The following PTPN22 variants were observed in gnomAD, a reference collection of about 807,000 sequenced individuals.
PTPN22 encodes the protein tyrosine-protein phosphatase non-receptor type 22.
In PTPN22, 85 loss-of-function variants were observed where a neutral mutation model predicts 103.3. The ratio of observed to expected loss-of-function variants is 0.82; its 90% CI spans 0.69 to 0.99. The LOEUF (loss-of-function observed/expected upper bound fraction) is 0.99. PTPN22 is among the 50% of genes least tolerant of loss of function. PTPN22 has a pLI of 0.00. For missense variants in PTPN22, 865 were observed against 936.9 expected, an observed-to-expected ratio of 0.92 and a Z score of 1.00; for synonymous variants, 323 against 310.2, an observed-to-expected ratio of 1.04 and a Z score of -0.43.
chr1:113,824,200 C>G (rs1030735367), intron 19 of PTPN22, among the ~76,000 whole-genome samples: 1 of 151,714 alleles, frequency 6.6e-6, no homozygotes, highest in African/African-American at 2.4e-5. Flanking sequence ...ATCCCGAGTT[C>G]AAGCAATCCT....
intron 16 of PTPN22, among the ~76,000 whole-genome samples, chr1:113,830,788 A>G (rs1662479269): frequency 6.6e-6 from 1 of 152,174 alleles, no homozygotes; most frequent in African/African-American, 2.4e-5. Context: ...ATGGTATTCT[A>G]CTGACATAAG....
At chr1:113,814,096 T>C (rs1055582498) in exon 21 of PTPN22, 3 of 152,324 alleles carry the variant, frequency 2.0e-5, no homozygotes, top group Admixed American at 1.3e-4. Flanking sequence ...GATTTTCTTA[T>C]GGCAGATCCA....
intron 17 of PTPN22, 107 bp from the exon 18 acceptor site, chr1:113,829,814 T>G: frequency 8.4e-7 from 1 of 1,188,322 alleles, no homozygotes; most frequent in Non-Finnish European, 1.2e-6. Context: ...TTATTTTGAC[T>G]ATATATTAGG....
chr1:113,819,668 A>G lies in PTPN22; in HGVS notation c.2282-14T>C. 6.4e-7 allele frequency: 1 copy of G among 1,551,120 alleles called. No individual in the cohort carries two copies. ...AATTACAGATACCTAGAATCAAAAG[A>G]AAAAAATATAAGGGAAAGACTAAAG... On this transcript the variant is annotated splice_polypyrimidine_tract_variant and intron_variant, in intron 19 of 20. Transcript: ENST00000359785.
At chr1:113,813,950 A>G (rs1243205145) in exon 21 of PTPN22, 2 of 152,328 alleles carry the variant, frequency 1.3e-5, no homozygotes, top group African/African-American at 4.8e-5. Flanking sequence ...TTTAAACAAT[A>G]CTACATGTTT....
At chr1:113,825,412 C>T (rs866714989) in intron 18 of PTPN22, among the ~76,000 whole-genome samples, 5 of 152,194 alleles carry the variant, frequency 3.3e-5, no homozygotes, top group South Asian at 2.1e-4. Flanking sequence ...ATAATAGTAT[C>T]AGAGGCTGAG....
intron 11 of PTPN22, among the ~76,000 whole-genome samples, chr1:113,844,585 G>C (rs1663887382): frequency 6.6e-6 from 1 of 152,152 alleles, no homozygotes; most frequent in Admixed American, 6.5e-5. Context: ...GACCTATACT[G>C]TTTTCTAATG....
intron 11 of PTPN22, among the ~76,000 whole-genome samples, chr1:113,840,241 G>GA (rs1168363730): frequency 6.6e-6 from 1 of 150,650 alleles, no homozygotes. Context: ...AAAAAAATTG[G>GA]AAAAAAAGGA....
At chr1:113,837,862 G>A in exon 13 of PTPN22, 1 of 1,614,104 alleles carries the variant, frequency 6.2e-7, no homozygotes, top group South Asian at 1.1e-5. Flanking sequence ...CTTTACATTA[G>A]AGGCATTACG....
At chr1:113,829,595 A>T (rs750744679) in exon 18 of PTPN22, 10 of 1,570,640 alleles carry the variant, frequency 6.4e-6, no homozygotes, top group Non-Finnish European at 7.8e-6. Flanking sequence ...TCTTTACCTT[A>T]CTCCTTGTGA....
exon 21 of PTPN22, chr1:113,813,972 A>G (rs1571319863): frequency 6.6e-6 from 1 of 152,202 alleles, no homozygotes; most frequent in African/African-American, 2.4e-5. Flanking sequence ...TAAAAGTTAT[A>G]AATAAAGTTA....
intron 4 of PTPN22, among the ~76,000 whole-genome samples, 173 bp downstream of exon 4, chr1:113,858,305 C>T (rs144928243): frequency 2.6e-5 from 4 of 152,120 alleles, no homozygotes; most frequent in Admixed American, 2.0e-4. Flanking sequence ...CTATCCACCC[C>T]TCTTGGCCTC....
At chr1:113,847,500 T>A (rs1348416980) in intron 11 of PTPN22, among the ~76,000 whole-genome samples, 2 of 151,766 alleles carry the variant, frequency 1.3e-5, no homozygotes, top group African/African-American at 4.8e-5. Flanking sequence ...CTTGGTATAA[T>A]AAGTGATTTT....
chr1:113,857,925 T>C, intron 4 of PTPN22, 149 bp from the exon 5 acceptor site: 1 of 610,632 alleles, frequency 1.6e-6, no homozygotes, highest in Non-Finnish European at 2.8e-6. Context: ...TGGTGACTTA[T>C]AAAATATTGC....
intron 11 of PTPN22, among the ~76,000 whole-genome samples, chr1:113,843,805 G>A (rs958444488): frequency 6.6e-6 from 1 of 152,130 alleles, no homozygotes; most frequent in African/African-American, 2.4e-5. Flanking sequence ...ATTCTCTAGT[G>A]AAACTATGTG....
chr1:113,851,104 G>A (rs1188705736), intron 10 of PTPN22, among the ~76,000 whole-genome samples: 4 of 152,002 alleles, frequency 2.6e-5, no homozygotes, highest in Non-Finnish European at 4.4e-5. Flanking sequence ...ACAAGTATGG[G>A]TATTCTGGGG....
At chr1:113,864,178 T>C (rs1309878637) in intron 1 of PTPN22, 1 of 412,702 alleles carries the variant, frequency 2.4e-6, no homozygotes, top group South Asian at 1.7e-5. Flanking sequence ...AAATAACAAA[T>C]GGTGCTAATA....
chr1:113,868,561 G>A (rs747465450), intron 1 of PTPN22, among the ~76,000 whole-genome samples: 14 of 152,170 alleles, frequency 9.2e-5, no homozygotes, highest in Non-Finnish European at 1.6e-4. Flanking sequence ...ATGGAGCTGA[G>A]AGGAAGACTC....
At chr1:113,850,925 G>T (rs779729941) in intron 10 of PTPN22, among the ~76,000 whole-genome samples, 1 of 152,082 alleles carries the variant, frequency 6.6e-6, no homozygotes, top group Admixed American at 6.6e-5. Context: ...ATCAATACAC[G>T]TTTCATGAAT....
Sources: gnomAD v4.1 joint callset for allele counts (sites outside exome capture counted in the v4.1 genomes callset) on GRCh38, gnomAD v4.1.1 for gene constraint, MANE v1.5 for transcripts, NCBI Gene and HGNC (gene_info 2026-07-23, HGNC 2026-07-21) for gene names.